The following RTN1 variants were observed in gnomAD, a reference collection of about 807,000 sequenced individuals.
The protein encoded by RTN1 is reticulon-1.
Under a neutral mutation model 65.5 loss-of-function variants are expected in RTN1, and 25 were observed. The observed-to-expected ratio is 0.38, with a 90% CI of 0.28 to 0.53. The LOEUF is 0.53. Ranked by LOEUF, RTN1 falls within the 20% of genes least tolerant of loss-of-function variation. The pLI is 0.79. For missense variants in RTN1, 983 were observed against 1,025.4 expected, an observed-to-expected ratio of 0.96 and a Z score of 0.57; for synonymous variants, 471 against 447.6, an observed-to-expected ratio of 1.05 and a Z score of -0.66.
intron 1 of RTN1, among the ~76,000 whole-genome samples, chr14:59,769,221 CTT>C (rs950644435): frequency 6.6e-6 from 1 of 151,972 alleles, no homozygotes; most frequent in African/African-American, 2.4e-5. Context: ...GATAGAAAGT[CTT>C]TTACATGAGG....
chr14:59,634,009 C>T (rs8011025), intron 3 of RTN1, among the ~76,000 whole-genome samples: 61,290 of 151,932 alleles, frequency 0.4, 12,956 homozygotes, highest in African/African-American at 0.51. Flanking sequence ...AGAGTTCCTA[C>T]TTTATACGCT....
intron 1 of RTN1, among the ~76,000 whole-genome samples, chr14:59,797,817 G>A (rs1488199857): frequency 1.3e-5 from 2 of 152,154 alleles, no homozygotes; most frequent in Non-Finnish European, 2.9e-5. Context: ...TTGAGGAATA[G>A]TGTTTATAGT....
Position 59,603,236 on chromosome 14 carries a change from T to C in RTN1, c.2205A>G (p.Leu735=). 6.2e-7 allele frequency: 1 copy of C among 1,612,966 alleles called. No homozygotes were observed. Among genetic ancestry groups the C allele is most frequent in the Non-Finnish European group, 8.5e-7 (1 of 1,179,610 alleles). The stretch of plus-strand genomic sequence containing the variant: ...CCTGGTGCTTAACATACACTACAGG[T>C]AGAGTAAACATTGAAACCACAGCTG... The part of the protein sequence containing the change: ...LLMAVVSMFT[L]PVVYVKHQAQ... Residue 735 remains leucine (L), a synonymous_variant, in exon 7 of 9, where the codon CTA becomes CTG. Transcript: ENST00000267484.
chr14:59,727,680 C>T lies in RTN1; in HGVS notation c.1016-12G>A. The T allele has an allele frequency of 6.3e-7, 1 of 1,585,200 alleles. No individual in the cohort carries two copies. Among genetic ancestry groups the T allele is most frequent in the Non-Finnish European group, 8.6e-7 (1 of 1,165,330 alleles). Reference sequence around the variant, plus strand: ...TGCAGCAGATGGTTCTGTCGTCCCACAGAGCGAAGGAGAGCCACGGAGGCA... The same window carrying T: ...TGCAGCAGATGGTTCTGTCGTCCCATAGAGCGAAGGAGAGCCACGGAGGCA... On this transcript the variant is annotated splice_polypyrimidine_tract_variant and intron_variant, in intron 2 of 8. Coordinates refer to ENST00000267484, the MANE Select transcript of RTN1 (RefSeq NM_021136.3). This position sits in a 1 kb window ranked among gnomAD's most constrained non-coding sequence, Gnocchi z 4.2.
intron 1 of RTN1, among the ~76,000 whole-genome samples, chr14:59,785,438 C>T (rs1886234072): frequency 6.6e-6 from 1 of 152,090 alleles, no homozygotes; most frequent in Non-Finnish European, 1.5e-5. Context: ...ATAAAACTTC[C>T]CAGATCTGAA....
At position 59,849,649 on chromosome 14, in the gene RTN1, G is replaced by C. The variant is rs796776617; in HGVS notation, c.241+20741C>G. Among the ~76,000 whole-genome samples the C allele has an allele frequency of 3.3e-4, 51 of 152,256 alleles. No homozygotes were observed. The highest frequency in any genetic ancestry group is 1.1e-3 in the African/African-American group (47 of 41,554). On this transcript the variant is annotated intron_variant, in intron 1 of 8. Transcript: ENST00000267484. This position sits in a 1 kb window ranked among gnomAD's most constrained non-coding sequence, Gnocchi z 4.5. ...TGGGTGGCCCTGTACAGAACCCCAA[G>C]AATGGCTCCTACTCCTGAGCCCCAG...
intron 3 of RTN1, among the ~76,000 whole-genome samples, chr14:59,668,128 A>G (rs542046097): frequency 2.6e-5 from 4 of 152,320 alleles, no homozygotes; most frequent in African/African-American, 9.6e-5. Context: ...GGAACCAAAA[A>G]AGGGCCCACA....
chr14:59,750,372 CTATATAT>C (rs1445692793), intron 1 of RTN1, among the ~76,000 whole-genome samples: 6 of 20,580 alleles, frequency 2.9e-4, no homozygotes, highest in African/African-American at 1.4e-3. Flanking sequence ...TATATTATAT[CTATATAT>C]TATATATTAT....
At chr14:59,817,431 A>G (rs1475955667) in intron 1 of RTN1, among the ~76,000 whole-genome samples, 1 of 152,170 alleles carries the variant, frequency 6.6e-6, no homozygotes, top group East Asian at 1.9e-4. Context: ...CTCTTCCAAT[A>G]TCTGTCAAAA....
Position 59,696,893 on chromosome 14 carries a change from GA to G in RTN1, c.1765+30025del, listed in dbSNP as rs369662585. Among the ~76,000 whole-genome samples, 62 of 151,438 alleles carry G rather than the reference GA, an allele frequency of 4.1e-4. 1 individual carries two copies. The highest frequency in any genetic ancestry group is 1.2e-3 in the Admixed American group (19 of 15,240). ...GCTTCCTAACTGCTCTCATAGGGGG[GA>G]AAAAAAACAAGAATCACAAGATCTA... On this transcript the variant is annotated intron_variant, in intron 3 of 8. Transcript: ENST00000267484.
rs534294488 is a variant in RTN1, at chr14:59,849,895, C to T, written c.241+20495G>A. On this transcript the variant is annotated intron_variant, in intron 1 of 8. Transcript: ENST00000267484. The surrounding 1 kb of genome is among the most constrained non-coding windows in gnomAD (Gnocchi z 4.5). The stretch of plus-strand genomic sequence containing the variant: ...TTACTTTTGCTTCCTCAAAGGGCTT[C>T]CCCCTCTCTGTGTACTTCTCTGTTA... 1.3e-5 allele frequency among the ~76,000 whole-genome samples: 2 copies of T among 152,198 alleles called. No individual in the cohort carries two copies. Among genetic ancestry groups the T allele is most frequent in the South Asian group, 4.2e-4 (2 of 4,818 alleles).
intron 1 of RTN1, among the ~76,000 whole-genome samples, chr14:59,854,309 T>C (rs1472742578): frequency 1.3e-5 from 2 of 152,158 alleles, no homozygotes; most frequent in Non-Finnish European, 2.9e-5. Flanking sequence ...TGCAAGCTAA[T>C]TCCTTATTTA....
At chr14:59,806,411 GA>G (rs1886638423) in intron 1 of RTN1, among the ~76,000 whole-genome samples, 1 of 151,794 alleles carries the variant, frequency 6.6e-6, no homozygotes, top group African/African-American at 2.4e-5. Flanking sequence ...TAATGCAGCA[GA>G]AAAAAACATA....
rs1566713977 is a variant in RTN1, at chr14:59,750,514, A to AATATATCTATAATAT, written c.242-4048_242-4034dup. Among the ~76,000 whole-genome samples, 68 of 8,396 alleles carry AATATATCTATAATAT rather than the reference A, an allele frequency of 8.1e-3. 7 individuals carry two copies. Among genetic ancestry groups the AATATATCTATAATAT allele is most frequent in the Non-Finnish European group, 0.052 (56 of 1,082 alleles). The allele number at this position is 8,396 out of a possible 152,430, so 5.5% of individuals were successfully genotyped here. On this transcript the variant is annotated intron_variant, in intron 1 of 8. Coordinates refer to ENST00000267484, the MANE Select transcript of RTN1 (RefSeq NM_021136.3). ...TATATATTATATCTATAATATATAT[A>AATATATCTATAATAT]ATATATCTATAATATATATAATATA...
In RTN1 at chr14:59,802,832, A is replaced by G. The variant is rs141251878; in HGVS notation, c.242-56351T>C. Among the ~76,000 whole-genome samples, 3 of 152,222 alleles carry G rather than the reference A, an allele frequency of 2.0e-5. No individual in the cohort carries two copies. In the East Asian group the frequency reaches 5.8e-4, roughly 29 times the overall value. On this transcript the variant is annotated intron_variant, in intron 1 of 8. Coordinates refer to ENST00000267484, the MANE Select transcript of RTN1 (RefSeq NM_021136.3). The stretch of plus-strand genomic sequence containing the variant: ...TGTAAACAAATATTTTTCTTTAATC[A>G]GAATGATGTCACAATCTTACTAAGC...
intron 1 of RTN1, among the ~76,000 whole-genome samples, chr14:59,748,739 G>T (rs1885283146): frequency 6.6e-6 from 1 of 151,764 alleles, no homozygotes; most frequent in Non-Finnish European, 1.5e-5. Flanking sequence ...CTAAAACAGG[G>T]CCTGATGAAT....
At position 59,749,282 on chromosome 14, in the gene RTN1, A is replaced by C. The variant is rs1410710651; in HGVS notation, c.242-2801T>G. On this transcript the variant is annotated intron_variant, in intron 1 of 8. Coordinates refer to ENST00000267484, the MANE Select transcript of RTN1 (RefSeq NM_021136.3). ...TATATATATCTATATATATATCTAT[A>C]TATATCTATATATATCTATATATAT... Among the ~76,000 whole-genome samples the C allele has an allele frequency of 4.5e-5, 3 of 66,942 alleles. No individual in the cohort carries two copies. In the East Asian group the frequency reaches 1.1e-3, roughly 25 times the overall value. 43.9% of individuals were successfully genotyped at this position (66,942 alleles called of 152,430 possible). A position where few individuals can be genotyped will look rare whatever the true frequency, so the allele number is the denominator to read the frequency against.
chr14:59,682,950 T>C (rs1208311917), intron 3 of RTN1, among the ~76,000 whole-genome samples: 3 of 152,104 alleles, frequency 2.0e-5, no homozygotes, highest in Non-Finnish European at 4.4e-5. Flanking sequence ...GGAGAAGCAA[T>C]TTGATTTGTA....
At chr14:59,776,414 C>A (rs930304951) in intron 1 of RTN1, among the ~76,000 whole-genome samples, 2 of 152,160 alleles carry the variant, frequency 1.3e-5, no homozygotes, top group Admixed American at 6.6e-5. Context: ...CTGCCTTCCA[C>A]CATGCCATGA....
Sources: gnomAD v4.1 joint callset for allele counts (sites outside exome capture counted in the v4.1 genomes callset) on GRCh38, gnomAD v4.1.1 for gene constraint, Gnocchi (gnomAD v3.1) non-coding constraint, MANE v1.5 for transcripts, NCBI Gene and HGNC (gene_info 2026-07-23, HGNC 2026-07-21) for gene names.